PIBF1: variants seen among roughly 807,000 people sequenced by gnomAD.
PIBF1 encodes progesterone immunomodulatory binding factor 1.
Under a neutral mutation model 112.5 loss-of-function variants are expected in PIBF1, and 90 were observed. That is an observed-to-expected ratio of 0.80 (90% confidence interval 0.67 to 0.95). The LOEUF (loss-of-function observed/expected upper bound fraction) is 0.95, where lower values mean the gene tolerates loss of function less well. Among genes scored for constraint, PIBF1 ranks in the 40% least tolerant of loss-of-function variants. The pLI is 0.00. For synonymous variants in PIBF1, 301 were observed against 288.6 expected, an observed-to-expected ratio of 1.04 and a Z score of -0.44; for missense variants, 915 against 852.3, an observed-to-expected ratio of 1.07 and a Z score of -0.92.
chr13:72,952,701 G>A (rs938899721), intron 14 of PIBF1, among the ~76,000 whole-genome samples: 2 of 132,616 alleles, frequency 1.5e-5, no homozygotes, highest in Non-Finnish European at 3.1e-5. Flanking sequence ...AGCTAGCTTT[G>A]ACTCAGCATT....
intron 2 of PIBF1, among the ~76,000 whole-genome samples, chr13:72,785,199 C>G (rs1055186285): frequency 6.6e-6 from 1 of 152,152 alleles, no homozygotes. Flanking sequence ...GCACACAAGA[C>G]GTATTAGCCG....
chr13:72,991,137 C>A (rs1002589708), intron 16 of PIBF1, among the ~76,000 whole-genome samples: 2 of 152,192 alleles, frequency 1.3e-5, no homozygotes, highest in African/African-American at 4.8e-5. Context: ...ATCAACTATG[C>A]AATACTGTTA....
chr13:72,797,523 A>C (rs952438679), intron 4 of PIBF1, among the ~76,000 whole-genome samples: 5 of 152,218 alleles, frequency 3.3e-5, no homozygotes, highest in African/African-American at 4.8e-5. Context: ...GAGACAAGGC[A>C]TGAGCCATGC....
intron 5 of PIBF1, among the ~76,000 whole-genome samples, chr13:72,798,628 A>G (rs1209597247): frequency 6.6e-6 from 1 of 152,234 alleles, no homozygotes; most frequent in African/African-American, 2.4e-5. Flanking sequence ...ACATTTATAT[A>G]GAAGGGTGGA....
intron 14 of PIBF1, among the ~76,000 whole-genome samples, chr13:72,943,688 C>T (rs1484254707): frequency 1.3e-5 from 2 of 152,190 alleles, no homozygotes; most frequent in Non-Finnish European, 2.9e-5. Context: ...TGTCTCCTCC[C>T]ACCACTTTGT....
Position 72,854,059 on chromosome 13 carries a change from A to G in PIBF1, c.1226A>G (p.Asn409Ser). The change falls in exon 10 of 18, where the codon AAT becomes AGT. Residue 409 changes from asparagine (N) to serine (S), a missense_variant and splice_region_variant. Coordinates refer to ENST00000326291, the MANE Select transcript of PIBF1 (RefSeq NM_006346.4). ...TGAAATCCATGTTTAAAATTTAGAA[A>G]TCTCCGAGAAGCAAGGGATAATGCT... is the stretch of plus-strand genomic sequence containing the variant. Reference protein sequence around the residue: ...SREMYERENRNLREARDNAVA... With the variant: ...SREMYERENRSLREARDNAVA... The G allele has an allele frequency of 6.2e-7, 1 of 1,602,592 alleles. No homozygotes were observed. The highest frequency in any genetic ancestry group is 8.5e-7 in the Non-Finnish European group (1 of 1,169,976).
At chr13:72,998,003 G>A (rs549570596) in intron 16 of PIBF1, among the ~76,000 whole-genome samples, 18 of 152,154 alleles carry the variant, frequency 1.2e-4, no homozygotes, top group Admixed American at 4.6e-4. Context: ...TAGTTCAAAG[G>A]GCAACTGAAG....
chr13:72,980,672 G>T (rs2043134507), intron 16 of PIBF1, among the ~76,000 whole-genome samples: 3 of 152,114 alleles, frequency 2.0e-5, no homozygotes, highest in Admixed American at 2.0e-4. Flanking sequence ...GCATGCACCT[G>T]TAGTCCCAGC....
rs529209243 is a variant in PIBF1, at chr13:72,882,931, T to C, written c.1323-10853T>C. On this transcript the variant is annotated intron_variant, in intron 10 of 17. Transcript: ENST00000326291. ...TTTATGCTGGATCATATGGTAGCTTTATGCTTGATCAATGATTGCTGGATC... is the reference window on the plus strand; with the variant it reads ...TTTATGCTGGATCATATGGTAGCTTCATGCTTGATCAATGATTGCTGGATC... 3.9e-5 allele frequency among the ~76,000 whole-genome samples: 6 copies of C among 152,342 alleles called. No homozygotes were observed. In the South Asian group the frequency reaches 1.2e-3, roughly 32 times the overall value.
chr13:72,963,136 A>G (rs1036961119), intron 14 of PIBF1, among the ~76,000 whole-genome samples: 4 of 152,238 alleles, frequency 2.6e-5, no homozygotes, highest in African/African-American at 9.6e-5. Flanking sequence ...AAGCTAACTC[A>G]GACTGGATCA....
chr13:72,831,888 T>C (rs1398796811), intron 8 of PIBF1, among the ~76,000 whole-genome samples: 1 of 152,088 alleles, frequency 6.6e-6, no homozygotes, highest in Non-Finnish European at 1.5e-5. Context: ...CTAAGTCTGT[T>C]TGTAGGTCTC....
At chr13:72,934,952 A>G (rs968420797) in intron 14 of PIBF1, among the ~76,000 whole-genome samples, 2 of 149,912 alleles carry the variant, frequency 1.3e-5, no homozygotes, top group Non-Finnish European at 3.0e-5. Flanking sequence ...ACTGTAGGTT[A>G]GTTAGTTAGT....
At position 72,872,054 on chromosome 13, in the gene PIBF1, G is replaced by T. The variant is rs902639758; in HGVS notation, c.1322+17899G>T. 1.9e-4 allele frequency among the ~76,000 whole-genome samples: 29 copies of T among 152,198 alleles called. 1 individual carries two copies. The highest frequency in any genetic ancestry group is 6.5e-4 in the African/African-American group (27 of 41,524). On this transcript the variant is annotated intron_variant, in intron 10 of 17. Coordinates refer to ENST00000326291, the MANE Select transcript of PIBF1 (RefSeq NM_006346.4). Reference sequence around the variant, plus strand: ...AATAGCCTAGGAGGTTATGATACTGGCTCTATTGTTCCTGGGTGCATGACT... The same window carrying T: ...AATAGCCTAGGAGGTTATGATACTGTCTCTATTGTTCCTGGGTGCATGACT...
intron 10 of PIBF1, among the ~76,000 whole-genome samples, chr13:72,861,762 C>T (rs1035039689): frequency 7.9e-5 from 12 of 152,134 alleles, no homozygotes; most frequent in African/African-American, 1.7e-4. Flanking sequence ...TATGGGGTTT[C>T]GCCATGTTGG....
chr13:72,830,654 T>C (rs929346899), intron 8 of PIBF1, among the ~76,000 whole-genome samples: 1 of 152,208 alleles, frequency 6.6e-6, no homozygotes, highest in Non-Finnish European at 1.5e-5. Context: ...AGCTTTTTCA[T>C]GTGCTGCTGG....
At chr13:72,872,462 G>A (rs1158010394) in intron 10 of PIBF1, among the ~76,000 whole-genome samples, 1 of 152,106 alleles carries the variant, frequency 6.6e-6, no homozygotes, top group Admixed American at 6.6e-5. Flanking sequence ...TAAGGATCTC[G>A]AACCTGGGAG....
At chr13:72,819,686 A>G (rs1226504014) in intron 5 of PIBF1, among the ~76,000 whole-genome samples, 1 of 152,130 alleles carries the variant, frequency 6.6e-6, no homozygotes, top group Non-Finnish European at 1.5e-5. Context: ...GACAATGTAT[A>G]TAAAATAGCC....
intron 13 of PIBF1, among the ~76,000 whole-genome samples, chr13:72,917,729 C>T (rs1307399596): frequency 1.3e-5 from 2 of 152,122 alleles, no homozygotes; most frequent in African/African-American, 4.8e-5. Flanking sequence ...CAAAAATATT[C>T]GCGAAAAGAA....
chr13:72,909,587 C>T (rs1221355378), intron 12 of PIBF1, among the ~76,000 whole-genome samples: 1 of 151,718 alleles, frequency 6.6e-6, no homozygotes, highest in Non-Finnish European at 1.5e-5. Context: ...CTCTGCCTCC[C>T]GGTTTCAAGC....
Sources: gnomAD v4.1 joint callset for allele counts (sites outside exome capture counted in the v4.1 genomes callset) on GRCh38, gnomAD v4.1.1 for gene constraint, MANE v1.5 for transcripts, NCBI Gene and HGNC (gene_info 2026-07-23, HGNC 2026-07-21) for gene names.